The following TONSL variants were observed in gnomAD, a reference collection of about 807,000 sequenced individuals.
TONSL encodes tonsoku like, DNA repair protein.
TONSL carries 112 observed loss-of-function variants against 147.1 expected under a neutral mutation model. The observed-to-expected ratio is 0.76, with a 90% CI of 0.65 to 0.89. The LOEUF (loss-of-function observed/expected upper bound fraction) is 0.89, where lower values mean the gene tolerates loss of function less well. Ranked by LOEUF, TONSL falls within the 40% of genes least tolerant of loss-of-function variation. The pLI is 0.00. For missense variants in TONSL, 1,883 were observed against 1,864.6 expected (o/e 1.01, Z -0.18); for synonymous variants, 868 against 801.5 (o/e 1.08, Z -1.40).
intron 23 of TONSL, among the ~76,000 whole-genome samples, chr8:144,431,720 A>G (rs1237602530): frequency 2.6e-5 from 4 of 151,660 alleles, no homozygotes; most frequent in South Asian, 2.1e-4. Context: ...TCACCATGTT[A>G]GCCAGGATGG....
intron 13 of TONSL, among the ~76,000 whole-genome samples, chr8:144,437,361 A>G (rs757557426): frequency 6.6e-5 from 10 of 152,238 alleles, no homozygotes; most frequent in Non-Finnish European, 1.0e-4. Context: ...ACCTGGTCGC[A>G]GGGGCATGAG....
At chr8:144,442,940 G>T in intron 4 of TONSL, 134 bp from the exon 5 acceptor site, 1 of 1,308,072 alleles carries the variant, frequency 7.6e-7, no homozygotes, top group Non-Finnish European at 1.0e-6. Context: ...GTGTCCTGCG[G>T]CAGATGGAGC....
chr8:144,443,685 C>T (rs1322285591), intron 3 of TONSL, among the ~76,000 whole-genome samples, 197 bp downstream of exon 3: 2 of 152,234 alleles, frequency 1.3e-5, no homozygotes, highest in Non-Finnish European at 2.9e-5. Context: ...TGCCAGGAAA[C>T]CTACTCCTGC....
Position 144,436,841 on chromosome 8 carries a change from G to A in TONSL, c.1806C>T (p.Leu602=). 6.2e-7 allele frequency: 1 copy of A among 1,610,950 alleles called. No individual in the cohort carries two copies. Among genetic ancestry groups the A allele is most frequent in the Non-Finnish European group, 8.5e-7 (1 of 1,179,940 alleles). Residue 602 remains leucine (L), a synonymous_variant, in exon 15 of 26, where the codon CTC becomes CTT. Coordinates refer to ENST00000409379, the MANE Select transcript of TONSL (RefSeq NM_013432.5). ...AGTGGCCACAGTTGAGGGCATCGTG[G>A]AGGGGGGTGATGCCTTCGCAGCCCT... ...GGQGCEGITP[L]HDALNCGHFE...
chr8:144,438,816 A>AGCTCCCC, intron 11 of TONSL, 81 bp from the exon 12 acceptor site: 1 of 1,433,516 alleles, frequency 7.0e-7, no homozygotes, highest in Non-Finnish European at 9.6e-7. Context: ...AAGCTCCCCA[A>AGCTCCCC]ACTCCCAGGT....
In TONSL at chr8:144,440,724, C is replaced by A; in HGVS notation, c.1158G>T (p.Val386=). 1 of 1,612,168 alleles carries A rather than the reference C, an allele frequency of 6.2e-7. No homozygotes were observed. ...EEELRLRSGN[V]LEEAKTWLNI... is the part of the protein sequence containing the mutation. ...CGGGGAGCAAGGGTTTCACCTCCAG[C>A]ACGTTGCCGCTGCGCAGCCTCAGTT... is the stretch of plus-strand genomic sequence containing the variant. The change falls in exon 9 of 26, where the codon GTG becomes GTT. Residue 386 remains valine, a synonymous_variant. Coordinates refer to ENST00000409379, the MANE Select transcript of TONSL (RefSeq NM_013432.5).
chr8:144,434,265 C>A lies in TONSL; in HGVS notation c.3100G>T (p.Val1034Leu). ...QSLGQGEHQQ[V>L]LQAVELQGLG... is the part of the protein sequence containing the mutation. ...CCCTGGAGCTCCACGGCCTGCAGCA[C>A]CTGTTGGTGCTCCCCTGCGGGAGGG... Residue 1034 changes from valine (V) to leucine (L), a missense_variant, in exon 21 of 26, where the codon GTG (valine) becomes TTG (leucine). Transcript: ENST00000409379. 6.6e-7 allele frequency: 1 copy of A among 1,511,290 alleles called. No homozygotes were observed. Among genetic ancestry groups the A allele is most frequent in the Non-Finnish European group, 8.9e-7 (1 of 1,129,398 alleles). The allele number at this position is 1,511,290 out of a possible 1,614,324, so 93.6% of individuals were successfully genotyped here. A position where few individuals can be genotyped will look rare whatever the true frequency, so the allele number is the denominator to read the frequency against.
chr8:144,435,034 G>C lies in TONSL; in HGVS notation c.2989C>G (p.Leu997Val). Residue 997 changes from leucine (L) to valine (V), a missense_variant, in exon 19 of 26, where the codon CTG becomes GTG. Leu to Val is a conservative substitution (Grantham distance 32). Transcript: ENST00000409379. ...CGGCTCACCTCGTCATTGCTCTGCA[G>C]CACATCAGGGATGAGGTCCTGTGGG... is the stretch of plus-strand genomic sequence containing the variant. ...LAPQDLIPDV[L>V]QSNDEVLAEV... 1.9e-6 allele frequency: 3 copies of C among 1,612,476 alleles called. No homozygotes were observed. In the South Asian group the frequency reaches 3.3e-5, roughly 18 times the overall value.
Position 144,442,423 on chromosome 8 carries a change from G to A in TONSL, c.579-11C>T, listed in dbSNP as rs1359460699. 3.9e-6 allele frequency: 6 copies of A among 1,530,226 alleles called. No homozygotes were observed. Among genetic ancestry groups the A allele is most frequent in the Non-Finnish European group, 5.3e-6 (6 of 1,138,586 alleles). The allele number at this position is 1,530,226 out of a possible 1,614,324, so 94.8% of individuals were successfully genotyped here. ...TAAAGGTGGTTCTGCCTGCAGAGGG[G>A]TGACGACCACTGAGCACCCAGGAGT... is the stretch of plus-strand genomic sequence containing the variant. On this transcript the variant is annotated splice_polypyrimidine_tract_variant and intron_variant, in intron 5 of 25. Coordinates refer to ENST00000409379, the MANE Select transcript of TONSL (RefSeq NM_013432.5).
In TONSL at chr8:144,440,393, T is replaced by C. The variant is rs144566958; in HGVS notation, c.1248A>G (p.Lys416=). The C allele has an allele frequency of 3.0e-3, 4,863 of 1,607,524 alleles. 101 individuals carry two copies. In the South Asian group the frequency reaches 0.038, roughly 13 times the overall value. Residue 416 remains lysine (K), a synonymous_variant, in exon 10 of 26, where the codon AAA becomes AAG. Coordinates refer to ENST00000409379, the MANE Select transcript of TONSL (RefSeq NM_013432.5). ...GGGCCTGCTGGGCACAGCTGAGCGC[T>C]TTCTGGAAGCACGGGGCCAGCAGCT... ...AYELLAPCFQ[K]ALSCAQQAQR...
In TONSL at chr8:144,444,393, G is replaced by A. The variant is rs752850834; in HGVS notation, c.22C>T (p.Arg8Cys). The A allele has an allele frequency of 1.6e-6, 2 of 1,272,488 alleles. No individual in the cohort carries two copies. Among genetic ancestry groups the A allele is most frequent in the South Asian group, 2.8e-5 (1 of 36,032 alleles). 78.8% of individuals were successfully genotyped at this position (1,272,488 alleles called of 1,614,324 possible). The change falls in exon 1 of 26, where the codon CGC becomes TGC. Residue 8 changes from arginine (R) to cysteine (C), a missense_variant. Arg to Cys is a radical substitution (Grantham distance 180, BLOSUM62 -3). Transcript: ENST00000409379. Reference protein sequence around the residue: MSLERELRQLSKAKAKAQ... With the variant: MSLERELCQLSKAKAKAQ... ...AAGGGGTCCCCGAGGAACTTACGGC[G>A]AAGCTCGCGCTCCAGGCTCATGCTC...
intron 13 of TONSL, among the ~76,000 whole-genome samples, chr8:144,437,974 C>T (rs749226601): frequency 1.3e-5 from 2 of 152,138 alleles, no homozygotes; most frequent in African/African-American, 4.8e-5. Context: ...AAGATCATGG[C>T]TCACTGCAGC....
At chr8:144,433,831 G>A (rs1048900817) in intron 21 of TONSL, 72 bp from the exon 22 acceptor site, 34 of 1,490,526 alleles carry the variant, frequency 2.3e-5, no homozygotes, top group Middle Eastern at 2.4e-4. Flanking sequence ...GGCTTGGCTT[G>A]GCAGTCTCTT....
Position 144,440,371 on chromosome 8 carries a change from C to T in TONSL, c.1270G>A (p.Ala424Thr), listed in dbSNP as rs376083591. 3 of 1,598,774 alleles carry T rather than the reference C, an allele frequency of 1.9e-6. No individual in the cohort carries two copies. Among genetic ancestry groups the T allele is most frequent in the African/African-American group, 1.3e-5 (1 of 74,528 alleles). ...FQKALSCAQQAQRPQLQRQVL... is the reference protein window; with the variant it reads ...FQKALSCAQQTQRPQLQRQVL... ...CGCACCTGCAGCTGGGGACGCTGGG[C>T]CTGCTGGGCACAGCTGAGCGCTTTC... Residue 424 changes from alanine to threonine, a missense_variant, in exon 10 of 26, where the codon GCC becomes ACC. Ala to Thr is a moderately conservative substitution (Grantham distance 58). Coordinates refer to ENST00000409379, the MANE Select transcript of TONSL (RefSeq NM_013432.5).
At chr8:144,433,295 C>T (rs755063653) in intron 22 of TONSL, 18 of 294,400 alleles carry the variant, frequency 6.1e-5, no homozygotes, top group Non-Finnish European at 1.2e-4. Context: ...CCAGGATGGT[C>T]TCGATATCCT....
Position 144,436,050 on chromosome 8 carries a change from C to T in TONSL, c.2383G>A (p.Ala795Thr), listed in dbSNP as rs759509958. ...ASTSRAAYQA[A>T]IRGVGSAQSR... ...TGAGCACTGCCCACACCCCGGATGG[C>T]TGCCTGGTAGGCTGCCCGGCTGGTG... The change falls in exon 17 of 26, where the codon GCC (alanine) becomes ACC (threonine). Residue 795 changes from alanine to threonine, a missense_variant. By Grantham distance (58) the Ala-to-Thr change is moderately conservative. Transcript: ENST00000409379. 1 of 1,574,322 alleles carries T rather than the reference C, an allele frequency of 6.4e-7. No homozygotes were observed. Among genetic ancestry groups the T allele is most frequent in the African/African-American group, 1.3e-5 (1 of 74,330 alleles).
At position 144,444,099 on chromosome 8, in the gene TONSL, A is replaced by T. The variant is rs1331466598; in HGVS notation, c.122-75T>A. On this transcript the variant is annotated intron_variant, in intron 2 of 25. Transcript: ENST00000409379. ...GCCCTGGGGCGGCGTCTGCCGGAAGAGCCCGTCGCCCCCCGGCCCCCGATC... is the reference window on the plus strand; with the variant it reads ...GCCCTGGGGCGGCGTCTGCCGGAAGTGCCCGTCGCCCCCCGGCCCCCGATC... 8 of 1,318,446 alleles carry T rather than the reference A, an allele frequency of 6.1e-6. No individual in the cohort carries two copies. In the African/African-American group the frequency reaches 7.7e-5, roughly 13 times the overall value. The allele number at this position is 1,318,446 out of a possible 1,614,324, so 81.7% of individuals were successfully genotyped here.
At position 144,444,240 on chromosome 8, in the gene TONSL, C is replaced by T. The variant is rs1249247489; in HGVS notation, c.61G>A (p.Gly21Arg). 1 of 1,456,898 alleles carries T rather than the reference C, an allele frequency of 6.9e-7. No individual in the cohort carries two copies. Among genetic ancestry groups the T allele is most frequent in the South Asian group, 1.3e-5 (1 of 75,804 alleles). The allele number at this position is 1,456,898 out of a possible 1,614,324, so 90.2% of individuals were successfully genotyped here. The change falls in exon 2 of 26, where the codon GGG (glycine) becomes AGG (arginine). Residue 21 changes from glycine (G) to arginine (R), a missense_variant. Gly to Arg is a moderately radical substitution (Grantham distance 125, BLOSUM62 -2). Transcript: ENST00000409379. ...SKAKAKAQRAGQRREEAALCH... is the reference protein window; with the variant it reads ...SKAKAKAQRARQRREEAALCH... ...AGCGCGGCCTCTTCGCGCCGCTGCCCGGCCCTCTGCGCCTTGGCTTTCGCC... is the reference window on the plus strand; with the variant it reads ...AGCGCGGCCTCTTCGCGCCGCTGCCTGGCCCTCTGCGCCTTGGCTTTCGCC...
chr8:144,434,228 G>A lies in TONSL; in HGVS notation c.3137C>T (p.Ser1046Leu), dbSNP rs1564728258. 1 of 1,549,456 alleles carries A rather than the reference G, an allele frequency of 6.5e-7. No individual in the cohort carries two copies. The highest frequency in any genetic ancestry group is 8.7e-7 in the Non-Finnish European group (1 of 1,145,342). ...QAVELQGLGL[S>L]FSACSLALDQ... ...CAGGGCCAGGGAGCAGGCGCTGAAC[G>A]AGAGGCCCAAGCCCTGGAGCTCCAC... Residue 1046 changes from serine to leucine, a missense_variant, in exon 21 of 26, where the codon TCG (serine) becomes TTG (leucine). Ser to Leu is a moderately radical substitution (Grantham distance 145). Transcript: ENST00000409379.
Sources: gnomAD v4.1 joint callset for allele counts (sites outside exome capture counted in the v4.1 genomes callset) on GRCh38, gnomAD v4.1.1 for gene constraint, MANE v1.5 for transcripts, NCBI Gene and HGNC (gene_info 2026-07-23, HGNC 2026-07-21) for gene names.